Variants in LINGO2 observed in about 807,000 individuals in gnomAD.
LINGO2 encodes the protein leucine-rich repeat and immunoglobulin-like domain-containing nogo receptor-interacting protein 2.
A neutral mutation model predicts 30.6 loss-of-function variants in LINGO2; 14 were observed. The ratio of observed to expected loss-of-function variants is 0.46; its 90% CI spans 0.30 to 0.72. The LOEUF (loss-of-function observed/expected upper bound fraction) is 0.72. Ranked by LOEUF, LINGO2 falls within the 30% of genes least tolerant of loss-of-function variation. The probability of loss-of-function intolerance (pLI) is 0.07; values close to 1 mark genes in which losing one functional copy is unlikely to be tolerated. For synonymous variants in LINGO2, 317 were observed against 288.5 expected (o/e 1.10, Z -1.00); for missense variants, 729 against 751.7 (o/e 0.97, Z 0.35).
At chr9:29,157,560 C>T in the LINGO2 span, among the ~76,000 whole-genome samples, 1 of 152,274 alleles carries the variant, frequency 6.6e-6, no homozygotes, top group East Asian at 1.9e-4. Flanking sequence ...TGTAGTAAGA[C>T]ATTGCATATG....
intron 5 of LINGO2, among the ~76,000 whole-genome samples, chr9:27,974,774 A>C (rs1230935509): frequency 6.6e-6 from 1 of 152,154 alleles, no homozygotes; most frequent in Admixed American, 6.6e-5. Flanking sequence ...AAGATGAGAA[A>C]AGAAAAAAAA....
the LINGO2 span, among the ~76,000 whole-genome samples, chr9:28,904,821 C>A: frequency 6.6e-6 from 1 of 151,606 alleles, no homozygotes; most frequent in Non-Finnish European, 1.5e-5. Flanking sequence ...ACATTTTTCA[C>A]AGAAATAGAA....
chr9:27,950,661 G>A (rs771681212), exon 6 of LINGO2: 59 of 1,506,714 alleles, frequency 3.9e-5, no homozygotes, highest in Non-Finnish European at 4.7e-5. Context: ...TGATATGGCC[G>A]TGTGAAGCAT....
the LINGO2 span, among the ~76,000 whole-genome samples, chr9:28,893,816 A>G: frequency 2.0e-5 from 3 of 151,816 alleles, no homozygotes; most frequent in Admixed American, 6.6e-5. Flanking sequence ...TTAGTTAAAT[A>G]TGTATATATG....
chr9:28,338,265 C>A (rs1825653817), intron 3 of LINGO2, among the ~76,000 whole-genome samples: 1 of 152,130 alleles, frequency 6.6e-6, no homozygotes, highest in African/African-American at 2.4e-5. Flanking sequence ...GGCTTGTAGC[C>A]CCTTTGTTTT....
intron 2 of LINGO2, among the ~76,000 whole-genome samples, chr9:28,381,120 A>T (rs751179106): frequency 2.0e-5 from 3 of 152,096 alleles, no homozygotes; most frequent in Non-Finnish European, 4.4e-5. Context: ...GACTATTGCT[A>T]TACAGAATGG....
At chr9:28,078,524 T>C (rs1042045636) in intron 4 of LINGO2, among the ~76,000 whole-genome samples, 3 of 148,640 alleles carry the variant, frequency 2.0e-5, no homozygotes, top group Non-Finnish European at 2.9e-5. Flanking sequence ...TGACAAATTA[T>C]GTTATATTGA....
rs62548205 is a variant in LINGO2, at chr9:28,637,215, G to A, written c.-365+32985C>T. Among the ~76,000 whole-genome samples, 1,328 of 152,172 alleles carry A rather than the reference G, an allele frequency of 8.7e-3. 28 individuals carry two copies. The highest frequency in any genetic ancestry group is 0.036 in the East Asian group (187 of 5,168). ...TTGGTACCAGTACCATCCTGTTTTGGTTACTGTAGCCTTGTAGTATAGTTT... is the reference window on the plus strand; with the variant it reads ...TTGGTACCAGTACCATCCTGTTTTGATTACTGTAGCCTTGTAGTATAGTTT... On this transcript the variant is annotated intron_variant, in intron 1 of 5. Transcript: ENST00000379992.
At chr9:29,148,898 G>GT in the LINGO2 span, among the ~76,000 whole-genome samples, 1 of 152,096 alleles carries the variant, frequency 6.6e-6, no homozygotes, top group Non-Finnish European at 1.5e-5. Context: ...AGGGCCAACT[G>GT]TTTTTCAAAT....
chr9:28,447,186 G>C (rs1329865229), intron 2 of LINGO2, among the ~76,000 whole-genome samples: 1 of 152,062 alleles, frequency 6.6e-6, no homozygotes, highest in Non-Finnish European at 1.5e-5. Flanking sequence ...TTTCATAATT[G>C]CAACTGTTAG....
At chr9:28,097,650 A>C (rs1826284298) in intron 4 of LINGO2, among the ~76,000 whole-genome samples, 1 of 129,134 alleles carries the variant, frequency 7.7e-6, no homozygotes, top group Non-Finnish European at 1.6e-5. Flanking sequence ...TCACATGGAC[A>C]CAGGAAGGGG....
the LINGO2 span, among the ~76,000 whole-genome samples, chr9:28,853,443 G>A: frequency 6.6e-6 from 1 of 152,106 alleles, no homozygotes; most frequent in Non-Finnish European, 1.5e-5. Context: ...AGCAAATATG[G>A]ATTAGAATGC....
At chr9:29,065,562 A>G in the LINGO2 span, among the ~76,000 whole-genome samples, 3 of 152,046 alleles carry the variant, frequency 2.0e-5, no homozygotes, top group African/African-American at 7.2e-5. Context: ...CGATTTTGTC[A>G]AAGATCAGAT....
At chr9:28,464,221 T>C (rs771511363) in intron 2 of LINGO2, among the ~76,000 whole-genome samples, 13 of 152,200 alleles carry the variant, frequency 8.5e-5, no homozygotes, top group African/African-American at 2.4e-4. Context: ...TACAGAGTGA[T>C]TGGCATAAAT....
At chr9:29,059,066 T>C in the LINGO2 span, among the ~76,000 whole-genome samples, 1 of 151,914 alleles carries the variant, frequency 6.6e-6, no homozygotes, top group East Asian at 1.9e-4. Flanking sequence ...TGAAATAGTA[T>C]GGATGAATCT....
At chr9:27,954,192 C>G (rs1224870479) in intron 5 of LINGO2, among the ~76,000 whole-genome samples, 1 of 152,120 alleles carries the variant, frequency 6.6e-6, no homozygotes, top group African/African-American at 2.4e-5. Flanking sequence ...TATATCACTT[C>G]TATGTGTTGG....
chr9:28,946,403 C>A, the LINGO2 span, among the ~76,000 whole-genome samples: 1 of 151,988 alleles, frequency 6.6e-6, no homozygotes, highest in Non-Finnish European at 1.5e-5. Context: ...TTTAAAGATG[C>A]TTGAATTGAA....
At chr9:28,287,675 G>A (rs544645545) in intron 4 of LINGO2, among the ~76,000 whole-genome samples, 9 of 152,250 alleles carry the variant, frequency 5.9e-5, no homozygotes, top group African/African-American at 2.2e-4. Flanking sequence ...AGAGAAAAAA[G>A]TCTCAAAAGG....
chr9:28,531,065 A>AAT (rs1554733116), intron 1 of LINGO2, among the ~76,000 whole-genome samples: 25 of 147,130 alleles, frequency 1.7e-4, no homozygotes, highest in African/African-American at 6.0e-4. Context: ...ATATATATAT[A>AAT]ATATATAAAA....
Sources: gnomAD v4.1 joint callset for allele counts (sites outside exome capture counted in the v4.1 genomes callset) on GRCh38, gnomAD v4.1.1 for gene constraint, MANE v1.5 for transcripts, NCBI Gene and HGNC (gene_info 2026-07-23, HGNC 2026-07-21) for gene names.